Variants in MAN1C1 observed in about 807,000 individuals in gnomAD.
MAN1C1 encodes mannosyl-oligosaccharide 1,2-alpha-mannosidase IC.
In MAN1C1, 49 loss-of-function variants were observed where a neutral mutation model predicts 71.5. The ratio of observed to expected loss-of-function variants is 0.69; its 90% CI spans 0.54 to 0.87. MAN1C1 has a LOEUF of 0.87. Ranked by LOEUF, MAN1C1 falls within the 40% of genes least tolerant of loss-of-function variation. The pLI is 0.00. For missense variants in MAN1C1, 743 were observed against 835.0 expected (o/e 0.89, Z 1.36); for synonymous variants, 352 against 343.7 (o/e 1.02, Z -0.27).
intron 2 of MAN1C1, among the ~76,000 whole-genome samples, chr1:25,693,748 G>A (rs976434821): frequency 6.6e-6 from 1 of 152,242 alleles, no homozygotes; most frequent in East Asian, 1.9e-4. Context: ...ACAGAGAGGA[G>A]AATGGATTTG....
At chr1:25,780,891 C>T in intron 9 of MAN1C1, 49 bp from the exon 10 acceptor site, 2 of 1,585,508 alleles carry the variant, frequency 1.3e-6, no homozygotes, top group Non-Finnish European at 1.7e-6. Flanking sequence ...TCCCGAAAAG[C>T]AGGAGGTGGG....
chr1:25,758,032 G>T (rs762929735), intron 5 of MAN1C1, among the ~76,000 whole-genome samples: 5 of 152,236 alleles, frequency 3.3e-5, no homozygotes, highest in Non-Finnish European at 5.9e-5. Flanking sequence ...TCCTATGTAG[G>T]TTCCATGAAA....
At chr1:25,655,152 C>T (rs764438221) in intron 1 of MAN1C1, among the ~76,000 whole-genome samples, 8 of 152,260 alleles carry the variant, frequency 5.3e-5, no homozygotes, top group East Asian at 1.9e-4. Flanking sequence ...CCCAGAGATC[C>T]GGACTAAGTA....
intron 1 of MAN1C1, among the ~76,000 whole-genome samples, chr1:25,659,818 ATAAAT>A (rs926764806): frequency 1.3e-5 from 2 of 152,324 alleles, no homozygotes; most frequent in Middle Eastern, 3.4e-3. Flanking sequence ...TTATAGTTAA[ATAAAT>A]TAAAAACAAG....
At chr1:25,681,895 G>A (rs946415171) in intron 1 of MAN1C1, among the ~76,000 whole-genome samples, 4 of 151,870 alleles carry the variant, frequency 2.6e-5, no homozygotes, top group Non-Finnish European at 5.9e-5. Flanking sequence ...ATGATGATCC[G>A]TAGGAGCCAA....
intron 5 of MAN1C1, among the ~76,000 whole-genome samples, chr1:25,757,370 G>A (rs1431736062): frequency 6.6e-6 from 1 of 152,192 alleles, no homozygotes; most frequent in Non-Finnish European, 1.5e-5. Flanking sequence ...TCTACAAATG[G>A]GAGGAGGTCA....
chr1:25,716,317 CTGTG>C (rs1044724029), intron 2 of MAN1C1, among the ~76,000 whole-genome samples: 3 of 152,184 alleles, frequency 2.0e-5, no homozygotes, highest in Non-Finnish European at 2.9e-5. Context: ...GCTCTTTCTT[CTGTG>C]TGTCTCTCAA....
At chr1:25,659,790 A>G (rs2045820849) in intron 1 of MAN1C1, among the ~76,000 whole-genome samples, 1 of 152,214 alleles carries the variant, frequency 6.6e-6, no homozygotes, top group African/African-American at 2.4e-5. Flanking sequence ...CCATTCTTTA[A>G]AAACAAATTA....
At chr1:25,712,802 G>A (rs1055686458) in intron 2 of MAN1C1, among the ~76,000 whole-genome samples, 35 of 152,166 alleles carry the variant, frequency 2.3e-4, no homozygotes, top group African/African-American at 7.7e-4. Flanking sequence ...GGCATCGGCT[G>A]TGTCTCATCC....
At chr1:25,638,507 T>C (rs2045494606) in intron 1 of MAN1C1, among the ~76,000 whole-genome samples, 2 of 152,218 alleles carry the variant, frequency 1.3e-5, no homozygotes, top group African/African-American at 4.8e-5. Context: ...ATGTCTGATA[T>C]CCATCTGGTA....
chr1:25,780,792 C>G (rs2047681841), intron 9 of MAN1C1, 148 bp from the exon 10 acceptor site: 3 of 751,666 alleles, frequency 4.0e-6, no homozygotes, highest in Non-Finnish European at 4.5e-6. Context: ...TGCAGCCTTA[C>G]ACAGCAGTCC....
intron 1 of MAN1C1, among the ~76,000 whole-genome samples, chr1:25,641,579 G>T (rs577907951): frequency 2.6e-5 from 4 of 152,296 alleles, no homozygotes; most frequent in African/African-American, 9.6e-5. Context: ...AAATACTGAT[G>T]CCTGAGTTCC....
chr1:25,762,043 T>C (rs1336707878), intron 6 of MAN1C1, among the ~76,000 whole-genome samples: 3 of 152,142 alleles, frequency 2.0e-5, no homozygotes, highest in Non-Finnish European at 4.4e-5. Context: ...TCATACATGT[T>C]GCAAATGACA....
intron 1 of MAN1C1, among the ~76,000 whole-genome samples, chr1:25,670,831 G>T (rs1307791915): frequency 6.6e-6 from 1 of 152,162 alleles, no homozygotes; most frequent in Admixed American, 6.5e-5. Context: ...TGTTGTCATG[G>T]TTAAGACTGC....
intron 2 of MAN1C1, among the ~76,000 whole-genome samples, chr1:25,719,314 C>A (rs1163727959): frequency 6.7e-6 from 1 of 149,998 alleles, no homozygotes; most frequent in Non-Finnish European, 1.5e-5. Context: ...CTCAGGTGAT[C>A]CGCCCGCCTC....
At chr1:25,773,565 G>T (rs2047581616) in intron 8 of MAN1C1, among the ~76,000 whole-genome samples, 1 of 152,242 alleles carries the variant, frequency 6.6e-6, no homozygotes, top group Admixed American at 6.5e-5. Context: ...CCCGGTCAGA[G>T]AATTAGTGTG....
At chr1:25,694,179 C>G (rs1417199427) in intron 2 of MAN1C1, among the ~76,000 whole-genome samples, 3 of 152,130 alleles carry the variant, frequency 2.0e-5, no homozygotes, top group Non-Finnish European at 2.9e-5. Flanking sequence ...GTTCTCTATT[C>G]CTCTCATCCC....
rs2047396325 is a variant in MAN1C1, at chr1:25,764,034, G to A, written c.1141+67G>A. On this transcript the variant is annotated intron_variant, in intron 7 of 11. Coordinates refer to ENST00000374332, the MANE Select transcript of MAN1C1 (RefSeq NM_020379.4). This position sits in a 1 kb window ranked among gnomAD's most constrained non-coding sequence, Gnocchi z 4.4. Reference sequence around the variant, plus strand: ...TGCCCAGGCTTCCTAGGAAGACCCTGCCAGGCCCCTGGGCTGAGTGAGGAT... The same window carrying A: ...TGCCCAGGCTTCCTAGGAAGACCCTACCAGGCCCCTGGGCTGAGTGAGGAT... 2.2e-6 allele frequency: 3 copies of A among 1,337,852 alleles called. No individual in the cohort carries two copies. Among genetic ancestry groups the A allele is most frequent in the Non-Finnish European group, 3.2e-6 (3 of 931,688 alleles). 82.9% of individuals were successfully genotyped at this position (1,337,852 alleles called of 1,614,324 possible). A position where few individuals can be genotyped will look rare whatever the true frequency, so the allele number is the denominator to read the frequency against.
chr1:25,734,341 C>T (rs542014912), intron 2 of MAN1C1, among the ~76,000 whole-genome samples: 1 of 152,230 alleles, frequency 6.6e-6, no homozygotes, highest in South Asian at 2.1e-4. Context: ...GTTGGCCAGG[C>T]TGGTCTCGAA....
Sources: gnomAD v4.1 joint callset for allele counts (sites outside exome capture counted in the v4.1 genomes callset) on GRCh38, gnomAD v4.1.1 for gene constraint, Gnocchi (gnomAD v3.1) non-coding constraint, MANE v1.5 for transcripts, NCBI Gene and HGNC (gene_info 2026-07-23, HGNC 2026-07-21) for gene names.